The following STARD9 variants were observed in gnomAD, a reference collection of about 807,000 sequenced individuals.
The protein encoded by STARD9 is stAR-related lipid transfer protein 9.
In STARD9, 346 loss-of-function variants were observed where a neutral mutation model predicts 399.8. The ratio of observed to expected loss-of-function variants is 0.87; its 90% CI spans 0.79 to 0.95. The LOEUF is 0.95. Ranked by LOEUF, STARD9 falls within the 40% of genes least tolerant of loss-of-function variation. The pLI, the probability that STARD9 is intolerant of heterozygous loss-of-function variation, is 0.00. For missense variants in STARD9, 5,832 were observed against 5,667.5 expected (o/e 1.03, Z -0.93); for synonymous variants, 2,203 against 2,143.5 (o/e 1.03, Z -0.77).
rs545735327 is a variant in STARD9 at position 42,666,613 on chromosome 15, G to A, written c.1317+765G>A. On this transcript the variant is annotated intron_variant, in intron 15 of 32. Coordinates refer to ENST00000290607, the MANE Select transcript of STARD9 (RefSeq NM_020759.3). ...GAACTTGGTGTAAACAGGATTAATA[G>A]CTTCTTGAATCAGGTTGGTGACATA... Among the ~76,000 whole-genome samples the A allele has an allele frequency of 2.0e-5, 3 of 152,294 alleles. No homozygotes were observed. The South Asian group carries it at 6.2e-4, about 32-fold the overall frequency.
chr15:42,600,199 A>G (rs1442846110), intron 3 of STARD9, among the ~76,000 whole-genome samples: 1 of 152,204 alleles, frequency 6.6e-6, no homozygotes, highest in Non-Finnish European at 1.5e-5. Flanking sequence ...CTCTGGTACA[A>G]TGACAAAGTG....
chr15:42,588,780 T>TG (rs1210671340), intron 3 of STARD9, among the ~76,000 whole-genome samples: 13 of 13,118 alleles, frequency 9.9e-4, no homozygotes, highest in African/African-American at 1.9e-3. Flanking sequence ...CACAGCGTTT[T>TG]TTTTTTTTTT....
intron 3 of STARD9, among the ~76,000 whole-genome samples, chr15:42,621,862 C>A (rs1475962454): frequency 6.6e-6 from 1 of 152,146 alleles, no homozygotes; most frequent in Non-Finnish European, 1.5e-5. Context: ...TAGATGTGAT[C>A]ATTTCTGTTG....
rs2059391132 is a variant in STARD9 at position 42,634,878 on chromosome 15, A to C, written c.257A>C (p.Glu86Ala). 1 of 1,534,902 alleles carries C rather than the reference A, an allele frequency of 6.5e-7. No homozygotes were observed. Among genetic ancestry groups the C allele is most frequent in the Non-Finnish European group, 8.7e-7 (1 of 1,145,412 alleles). Residue 86 changes from glutamate to alanine, a missense_variant, in exon 4 of 33, where the codon GAA becomes GCA. By Grantham distance (107) the Glu-to-Ala change is moderately radical. This residue lies in a region of STARD9 where 5,828 missense variants were observed against 5,651.1 expected (regional missense o/e 1.03). Transcript: ENST00000290607. ...CAGGTTTTCCAGGATTTAGGGATGGAAGTACTGTCTGGAGTTGCCAAAGGC... is the reference window on the plus strand; with the variant it reads ...CAGGTTTTCCAGGATTTAGGGATGGCAGTACTGTCTGGAGTTGCCAAAGGC... The part of the protein sequence containing the change: ...QDVVFQDLGM[E>A]VLSGVAKGYN...
chr15:42,598,091 G>T (rs944440238), intron 3 of STARD9, among the ~76,000 whole-genome samples: 1 of 151,220 alleles, frequency 6.6e-6, no homozygotes, highest in South Asian at 2.1e-4. Context: ...GAGTGCAGTG[G>T]TGCGATCTCG....
chr15:42,609,351 A>G (rs2058802448), intron 3 of STARD9, among the ~76,000 whole-genome samples: 1 of 152,098 alleles, frequency 6.6e-6, no homozygotes, highest in African/African-American at 2.4e-5. Flanking sequence ...TGTGTCATGA[A>G]CACACTTCTG....
At position 42,720,408 on chromosome 15, in the gene STARD9, C is replaced by G. The variant is rs1375519002; in HGVS notation, c.*834C>G. On this transcript the variant is annotated 3_prime_UTR_variant, in exon 33 of 33. Transcript: ENST00000290607. The stretch of plus-strand genomic sequence containing the variant: ...GGAATTTCAGAGATTAAACATTGTC[C>G]TTTGAGGAAGGGAGAGGAGGTGAAT... 6 of 152,262 alleles carry G rather than the reference C, an allele frequency of 3.9e-5. No homozygotes were observed. Among genetic ancestry groups the G allele is most frequent in the African/African-American group, 1.4e-4 (6 of 41,410 alleles). 9.4% of individuals were successfully genotyped at this position (152,262 alleles called of 1,614,324 possible).
At position 42,692,168 on chromosome 15, in the gene STARD9, C is replaced by T. The variant is rs1566947645; in HGVS notation, c.10590C>T (p.Ser3530=). 1.3e-5 allele frequency: 20 copies of T among 1,536,996 alleles called. No individual in the cohort carries two copies. Among genetic ancestry groups the T allele is most frequent in the Non-Finnish European group, 1.7e-5 (19 of 1,146,898 alleles). ...ACTCCCCTTTCCACTCCCACCTCAG[C>T]ACTTACGCCAATATTTGTGATCTGT... ...DQNSPFHSHL[S]TYANICDLST... is the part of the protein sequence containing the mutation. The change falls in exon 23 of 33, where the codon AGC becomes AGT. Residue 3530 remains serine (S), a synonymous_variant. Coordinates refer to ENST00000290607, the MANE Select transcript of STARD9 (RefSeq NM_020759.3).
intron 3 of STARD9, among the ~76,000 whole-genome samples, chr15:42,602,965 C>G (rs901371362): frequency 2.6e-5 from 4 of 152,122 alleles, no homozygotes; most frequent in African/African-American, 9.7e-5. Flanking sequence ...GCCTCTAGAC[C>G]CTATTCTCCT....
intron 26 of STARD9, among the ~76,000 whole-genome samples, chr15:42,703,476 G>C (rs1372791140): frequency 6.7e-6 from 1 of 150,134 alleles, no homozygotes; most frequent in African/African-American, 2.5e-5. Context: ...CAATTCTCCT[G>C]CCTCAGCCTC....
chr15:42,643,042 T>A (rs916358576), intron 7 of STARD9, among the ~76,000 whole-genome samples: 1 of 151,778 alleles, frequency 6.6e-6, no homozygotes, highest in African/African-American at 2.4e-5. Context: ...TTTTTTTTTT[T>A]AATTCCAATC....
chr15:42,612,990 G>GAAAA (rs60332578), intron 3 of STARD9, among the ~76,000 whole-genome samples: 6 of 119,296 alleles, frequency 5.0e-5, no homozygotes, highest in Non-Finnish European at 8.3e-5. Context: ...TCTCAGAGGG[G>GAAAA]AAAAAAAAAA....
Position 42,717,154 on chromosome 15 carries a change from G to T in STARD9, c.13494+106G>T, listed in dbSNP as rs578248612. ...AAGCTGGGCAGATGAGGAGCCCAAG[G>T]CTTGTGGGCATCTTCAGTGGTTCTT... On this transcript the variant is annotated intron_variant, in intron 28 of 32. Coordinates refer to ENST00000290607, the MANE Select transcript of STARD9 (RefSeq NM_020759.3). 11 of 1,261,778 alleles carry T rather than the reference G, an allele frequency of 8.7e-6. No homozygotes were observed. The African/African-American group carries it at 1.5e-4, about 17-fold the overall frequency. The allele number at this position is 1,261,778 out of a possible 1,614,324, so 78.2% of individuals were successfully genotyped here. A position where few individuals can be genotyped will look rare whatever the true frequency, so the allele number is the denominator to read the frequency against.
At chr15:42,664,334 A>G (rs1286029362) in intron 13 of STARD9, among the ~76,000 whole-genome samples, 2 of 151,704 alleles carry the variant, frequency 1.3e-5, no homozygotes, top group Non-Finnish European at 2.9e-5. Context: ...TTTTATTTTG[A>G]ATTTATGTTG....
In STARD9 at chr15:42,663,914, T is replaced by C. The variant is rs1555399875; in HGVS notation, c.1173T>C (p.Asn391=). 3 of 1,530,096 alleles carry C rather than the reference T, an allele frequency of 2.0e-6. No individual in the cohort carries two copies. The highest frequency in any genetic ancestry group is 2.4e-5 in the South Asian group (2 of 83,894). 94.8% of individuals were successfully genotyped at this position (1,530,096 alleles called of 1,614,324 possible). The change falls in exon 13 of 33, where the codon AAT becomes AAC. Residue 391 remains asparagine (N), a synonymous_variant. Transcript: ENST00000290607. ...ACATTATCAACAAGCCACGAGTAAA[T>C]GAGGTGAGACCTTTTCAGAAGTCCT... ...AKNIINKPRV[N]EDANLKLIRE... is the part of the protein sequence containing the mutation.
At chr15:42,683,526 A>G (rs527719140) in intron 22 of STARD9, among the ~76,000 whole-genome samples, 98 of 152,214 alleles carry the variant, frequency 6.4e-4, no homozygotes, top group African/African-American at 2.2e-3. Flanking sequence ...AGATTATTTG[A>G]TGTATTCTAA....
intron 26 of STARD9, among the ~76,000 whole-genome samples, chr15:42,705,515 C>A (rs928612002): frequency 6.6e-6 from 1 of 152,060 alleles, no homozygotes; most frequent in Non-Finnish European, 1.5e-5. Flanking sequence ...CTCACTGCAA[C>A]CTCCGCCTCC....
intron 3 of STARD9, among the ~76,000 whole-genome samples, chr15:42,631,722 TGTG>T (rs1473432549): frequency 1.3e-4 from 20 of 152,308 alleles, no homozygotes; most frequent in African/African-American, 4.8e-4. Flanking sequence ...TTTATTCCAT[TGTG>T]GTAATAGAAG....
In STARD9 at chr15:42,718,075, C is replaced by G; in HGVS notation, c.13658C>G (p.Ser4553Cys). 6.5e-7 allele frequency: 1 copy of G among 1,537,246 alleles called. No homozygotes were observed. The highest frequency in any genetic ancestry group is 8.7e-7 in the Non-Finnish European group (1 of 1,146,914). ...GCAGGTGTGGTGTCCCAGCCGCTGT[C>G]TCGTGTGTGGGCGGCTGTCAGTGAC... Reference protein sequence around the residue: ...LGAGVVSQPLSRVWAAVSDPT... With the variant: ...LGAGVVSQPLCRVWAAVSDPT... Residue 4553 changes from serine to cysteine, a missense_variant, in exon 30 of 33, where the codon TCT becomes TGT. Coordinates refer to ENST00000290607, the MANE Select transcript of STARD9 (RefSeq NM_020759.3).
Sources: gnomAD v4.1 joint callset for allele counts (sites outside exome capture counted in the v4.1 genomes callset) on GRCh38, gnomAD v4.1.1 for gene constraint, gnomAD v4.1.1 regional missense constraint, MANE v1.5 for transcripts, NCBI Gene and HGNC (gene_info 2026-07-23, HGNC 2026-07-21) for gene names.